Variants in HIVEP3 observed in about 807,000 individuals in gnomAD.
The protein encoded by HIVEP3 is transcription factor HIVEP3.
Under a neutral mutation model 152.8 loss-of-function variants are expected in HIVEP3, and 49 were observed. That is an observed-to-expected ratio of 0.32 (90% CI 0.26 to 0.41). The LOEUF (loss-of-function observed/expected upper bound fraction) is 0.41. Among genes scored for constraint, HIVEP3 ranks in the 10% least tolerant of loss-of-function variants. HIVEP3 has a pLI of 1.00. For synonymous variants in HIVEP3, 1,269 were observed against 1,289.0 expected (o/e 0.98, Z 0.33); for missense variants, 2,790 against 3,103.3 (o/e 0.90, Z 2.40).
intron 1 of HIVEP3, among the ~76,000 whole-genome samples, chr1:41,991,958 C>T (rs1645364628): frequency 6.8e-6 from 1 of 146,114 alleles, no homozygotes; most frequent in African/African-American, 2.6e-5. Flanking sequence ...ACCCTTCATG[C>T]TAAAAACTCT....
At chr1:41,845,431 A>G (rs949566917) in intron 1 of HIVEP3, among the ~76,000 whole-genome samples, 4 of 149,906 alleles carry the variant, frequency 2.7e-5, no homozygotes, top group African/African-American at 5.0e-5. Context: ...ACACACACAC[A>G]CACACACACA....
At chr1:41,957,520 A>T (rs1645146225) in intron 1 of HIVEP3, among the ~76,000 whole-genome samples, 1 of 152,218 alleles carries the variant, frequency 6.6e-6, no homozygotes, top group Admixed American at 6.5e-5. Context: ...CATGCCCTTT[A>T]TGCTCTATAA....
intron 1 of HIVEP3, among the ~76,000 whole-genome samples, chr1:41,747,257 A>G (rs1647087074): frequency 6.6e-6 from 1 of 152,174 alleles, no homozygotes; most frequent in South Asian, 2.1e-4. Context: ...CAGGCATTTT[A>G]TTCTGAGAAC....
In HIVEP3 at chr1:41,582,132, C is replaced by T. The variant is rs756035254; in HGVS notation, c.2666G>A (p.Arg889His). 17 of 1,613,902 alleles carry T rather than the reference C, an allele frequency of 1.1e-5. No individual in the cohort carries two copies. The highest frequency in any genetic ancestry group is 2.2e-5 in the East Asian group (1 of 44,882). ...TGGGAGCTGGGCAAGTGTCTGGCTGCGCTGGGGCCATTGGAACTCCTCAGT... is the reference window on the plus strand; with the variant it reads ...TGGGAGCTGGGCAAGTGTCTGGCTGTGCTGGGGCCATTGGAACTCCTCAGT... ...EKTEEFQWPQ[R>H]SQTLAQLPAE... The change falls in exon 4 of 9, where the codon CGC (arginine) becomes CAC (histidine). Residue 889 changes from arginine (R) to histidine (H), a missense_variant. This residue lies in a region of HIVEP3 where 1,078 missense variants were observed against 1,165.3 expected (regional missense o/e 0.93). Transcript: ENST00000372583. This position sits in a 1 kb window ranked among gnomAD's most constrained non-coding sequence, Gnocchi z 4.7.
intron 5 of HIVEP3, among the ~76,000 whole-genome samples, chr1:41,560,111 C>G (rs1644035750): frequency 6.6e-6 from 1 of 152,194 alleles, no homozygotes; most frequent in Non-Finnish European, 1.5e-5. Context: ...AAGAGGCAAT[C>G]AGAGAAGTAA....
At chr1:41,974,288 C>T (rs1570858798) in intron 1 of HIVEP3, among the ~76,000 whole-genome samples, 1 of 152,262 alleles carries the variant, frequency 6.6e-6, no homozygotes, top group East Asian at 1.9e-4. Flanking sequence ...TCCGACTCCT[C>T]AGTTACTGCT....
At chr1:41,801,592 G>A (rs1650304355) in intron 1 of HIVEP3, among the ~76,000 whole-genome samples, 1 of 151,982 alleles carries the variant, frequency 6.6e-6, no homozygotes, top group African/African-American at 2.4e-5. Context: ...ATGCCCCTAG[G>A]GAATCAGCTG....
At chr1:41,772,952 T>C (rs1037859468) in intron 1 of HIVEP3, among the ~76,000 whole-genome samples, 6 of 152,318 alleles carry the variant, frequency 3.9e-5, no homozygotes, top group East Asian at 3.9e-4. Context: ...GTGTACTTAC[T>C]GTCTACCAGG....
chr1:42,025,499 A>G (rs960200019), intron 1 of HIVEP3, among the ~76,000 whole-genome samples: 7 of 152,150 alleles, frequency 4.6e-5, no homozygotes, highest in Non-Finnish European at 7.4e-5. Context: ...AGAATTTGTG[A>G]GTCTGGTTTT....
chr1:41,685,285 G>T (rs1646098055), intron 2 of HIVEP3, among the ~76,000 whole-genome samples: 1 of 152,152 alleles, frequency 6.6e-6, no homozygotes. Context: ...GGAGGACCAG[G>T]GCCTGTAGGA....
chr1:41,518,600 A>G (rs1642675257), intron 6 of HIVEP3, 112 bp from the exon 7 acceptor site: 2 of 1,000,636 alleles, frequency 2.0e-6, no homozygotes, highest in Non-Finnish European at 3.1e-6. Flanking sequence ...CAGGCCAGTC[A>G]AGGCCCTGCC....
intron 5 of HIVEP3, among the ~76,000 whole-genome samples, chr1:41,557,060 G>C (rs1168153458): frequency 6.6e-6 from 1 of 152,222 alleles, no homozygotes; most frequent in Non-Finnish European, 1.5e-5. Context: ...AAATCAGGAA[G>C]TGTGAGAGCT....
chr1:41,995,145 A>G (rs74941492), intron 1 of HIVEP3, among the ~76,000 whole-genome samples: 1,896 of 152,242 alleles, frequency 0.012, 36 homozygotes, highest in African/African-American at 0.044. Flanking sequence ...AAAGATGTTG[A>G]TCACGAGTAC....
At chr1:41,863,194 T>C (rs1643909959) in intron 1 of HIVEP3, among the ~76,000 whole-genome samples, 1 of 152,228 alleles carries the variant, frequency 6.6e-6, no homozygotes, top group South Asian at 2.1e-4. Flanking sequence ...GAAGTTAAGC[T>C]GCAGGGTCAG....
At chr1:41,676,795 C>A (rs746332327) in intron 2 of HIVEP3, among the ~76,000 whole-genome samples, 2 of 152,222 alleles carry the variant, frequency 1.3e-5, no homozygotes, top group Non-Finnish European at 2.9e-5. Context: ...TGGCCAAACA[C>A]AATCGCGCAG....
intron 1 of HIVEP3, among the ~76,000 whole-genome samples, chr1:42,004,144 G>A (rs778267476): frequency 6.6e-6 from 1 of 152,196 alleles, no homozygotes. Flanking sequence ...CCCCAGGCAT[G>A]ACCCAGGAGG....
intron 5 of HIVEP3, among the ~76,000 whole-genome samples, chr1:41,574,936 C>T (rs1044371794): frequency 2.6e-5 from 4 of 152,176 alleles, no homozygotes; most frequent in African/African-American, 9.7e-5. Flanking sequence ...AGCTCTGAAA[C>T]GTTTAGACCA....
At chr1:41,538,256 G>A (rs1223892413) in intron 5 of HIVEP3, among the ~76,000 whole-genome samples, 1 of 152,116 alleles carries the variant, frequency 6.6e-6, no homozygotes, top group East Asian at 1.9e-4. Context: ...GGGGAGGTCT[G>A]GAGGCCAGGA....
chr1:41,717,684 G>T (rs1558206898), intron 1 of HIVEP3, among the ~76,000 whole-genome samples: 1 of 152,218 alleles, frequency 6.6e-6, no homozygotes, highest in Non-Finnish European at 1.5e-5. Flanking sequence ...GCTCAGGCAG[G>T]TTAGGTGACT....
Sources: allele counts gnomAD v4.1 joint callset (sites outside exome capture counted in the v4.1 genomes callset), GRCh38; gene constraint gnomAD v4.1.1; regional missense constraint gnomAD v4.1.1; non-coding constraint Gnocchi (gnomAD v3.1); transcripts MANE v1.5; gene names NCBI Gene and HGNC (gene_info 2026-07-23, HGNC 2026-07-21).